DLC1: variants seen among roughly 807,000 people sequenced by gnomAD.
DLC1 encodes the protein DLC1 Rho GTPase activating protein, also known as rho GTPase-activating protein 7.
In DLC1, 54 loss-of-function variants were observed where a neutral mutation model predicts 140.3. That is an observed-to-expected ratio of 0.38 (90% CI 0.31 to 0.48). The LOEUF (loss-of-function observed/expected upper bound fraction) is 0.48, where lower values mean the gene tolerates loss of function less well. Ranked by LOEUF, DLC1 falls within the 20% of genes least tolerant of loss-of-function variation. The probability of loss-of-function intolerance (pLI) is 0.96; values close to 1 mark genes in which losing one functional copy is unlikely to be tolerated. For synonymous variants in DLC1, 986 were observed against 728.1 expected, an observed-to-expected ratio of 1.35 and a Z score of -5.70; for missense variants, 2,536 against 1,907.0, an observed-to-expected ratio of 1.33 and a Z score of -6.14.
In DLC1 at chr8:13,110,723, T is replaced by C; in HGVS notation, c.1502+19A>G. 6.2e-7 allele frequency: 1 copy of C among 1,608,880 alleles called. No individual in the cohort carries two copies. Among genetic ancestry groups the C allele is most frequent in the South Asian group, 1.1e-5 (1 of 90,444 alleles). On this transcript the variant is annotated intron_variant, in intron 7 of 17. Coordinates refer to ENST00000276297, the MANE Select transcript of DLC1 (RefSeq NM_182643.3). The stretch of plus-strand genomic sequence containing the variant: ...CTTAAAAAATAAAAAAGGAAAACAC[T>C]CAAAACGTGTCCATTTACCTGCATA...
Position 13,453,422 on chromosome 8 carries a change from ATGTGTATATATATATG to A in DLC1, c.1023+45611_1023+45626del, listed in dbSNP as rs1799186969. ...TATATGTGTATATATATATATATATATGTGTATATATATATGTATATATATACATATATATATGTAT... is the reference window on the plus strand; with the variant it reads ...TATATGTGTATATATATATATATATATATATATATACATATATATATGTAT... On this transcript the variant is annotated intron_variant, in intron 2 of 17. Coordinates refer to ENST00000276297, the MANE Select transcript of DLC1 (RefSeq NM_182643.3). 1.2e-4 allele frequency among the ~76,000 whole-genome samples: 4 copies of A among 32,572 alleles called. 2 individuals carry two copies. Among genetic ancestry groups the A allele is most frequent in the African/African-American group, 6.4e-4 (4 of 6,240 alleles). 21.4% of individuals were successfully genotyped at this position (32,572 alleles called of 152,430 possible).
At chr8:13,448,211 G>A (rs2046195) in intron 2 of DLC1, among the ~76,000 whole-genome samples, 5,604 of 152,120 alleles carry the variant, frequency 0.037, 366 homozygotes, top group African/African-American at 0.13. Context: ...GTCCCTGTGC[G>A]TATCTGCTTA....
chr8:13,250,147 A>G (rs2117280324), intron 5 of DLC1, among the ~76,000 whole-genome samples: 1 of 152,346 alleles, frequency 6.6e-6, no homozygotes, highest in East Asian at 1.9e-4. Context: ...ATCAATACGT[A>G]CTTGTTAAAT....
chr8:13,375,141 C>T (rs1835914518), intron 4 of DLC1, among the ~76,000 whole-genome samples: 1 of 151,586 alleles, frequency 6.6e-6, no homozygotes, highest in Admixed American at 6.6e-5. Context: ...CATTCTCCTG[C>T]CTTAGCCTCC....
chr8:13,099,184 C>G (rs78030701), intron 9 of DLC1, among the ~76,000 whole-genome samples, 163 bp downstream of exon 9: 2 of 152,124 alleles, frequency 1.3e-5, no homozygotes, highest in East Asian at 1.9e-4. Flanking sequence ...TCAATCCTAT[C>G]GATTTCTTTG....
intron 14 of DLC1, 122 bp from the exon 15 acceptor site, chr8:13,090,592 C>G (rs768778342): frequency 1.7e-5 from 19 of 1,140,414 alleles, no homozygotes; most frequent in Non-Finnish European, 2.3e-5. Flanking sequence ...AGGCATCTTC[C>G]CGCCGGAGGT....
chr8:13,273,049 C>A (rs1242260501), intron 5 of DLC1, among the ~76,000 whole-genome samples: 1 of 152,002 alleles, frequency 6.6e-6, no homozygotes, highest in Non-Finnish European at 1.5e-5. Context: ...CTCTATAATT[C>A]TATATATTTT....
chr8:13,567,235 A>C, intron 1 of DLC1: 3 of 1,551,656 alleles, frequency 1.9e-6, no homozygotes, highest in Non-Finnish European at 2.6e-6. Flanking sequence ...TTATGAAAAG[A>C]AGTTGAGTAA....
chr8:13,389,863 T>C (rs1011026710), intron 4 of DLC1, among the ~76,000 whole-genome samples: 2 of 152,176 alleles, frequency 1.3e-5, no homozygotes, highest in African/African-American at 4.8e-5. Flanking sequence ...GTAATGATTG[T>C]GTCATTACAG....
At chr8:13,543,969 C>T (rs1162663812) in intron 1 of DLC1, among the ~76,000 whole-genome samples, 4 of 151,426 alleles carry the variant, frequency 2.6e-5, no homozygotes, top group African/African-American at 9.7e-5. Flanking sequence ...CAACCAACAA[C>T]CAGTTGTACC....
At chr8:13,408,650 C>G (rs1837665707) in intron 2 of DLC1, among the ~76,000 whole-genome samples, 1 of 152,108 alleles carries the variant, frequency 6.6e-6, no homozygotes, top group Non-Finnish European at 1.5e-5. Flanking sequence ...ATGCTGGAAC[C>G]AGTCTTCATT....
chr8:13,194,478 G>C (rs753283574), intron 5 of DLC1, among the ~76,000 whole-genome samples: 4 of 152,138 alleles, frequency 2.6e-5, no homozygotes, highest in Non-Finnish European at 4.4e-5. Context: ...AGTAAAAGAA[G>C]GCCCTGGTGA....
intron 5 of DLC1, among the ~76,000 whole-genome samples, chr8:13,278,514 A>G (rs1002956604): frequency 1.3e-5 from 2 of 152,216 alleles, no homozygotes; most frequent in African/African-American, 4.8e-5. Flanking sequence ...ATCGACCAAA[A>G]GTGATTCCAA....
At chr8:13,460,512 G>A (rs1231810807) in intron 2 of DLC1, among the ~76,000 whole-genome samples, 1 of 152,188 alleles carries the variant, frequency 6.6e-6, no homozygotes, top group Admixed American at 6.5e-5. Flanking sequence ...ATATCTCCTA[G>A]GGTAGGATCA....
intron 2 of DLC1, among the ~76,000 whole-genome samples, chr8:13,494,849 G>A (rs1474366508): frequency 2.0e-5 from 3 of 152,086 alleles, no homozygotes; most frequent in African/African-American, 7.2e-5. Context: ...TACTAAGGAG[G>A]CTGAGGCAGG....
intron 2 of DLC1, among the ~76,000 whole-genome samples, chr8:13,470,687 A>G (rs1482255630): frequency 6.6e-6 from 1 of 152,222 alleles, no homozygotes. Context: ...GGAAAAAAGT[A>G]TAGCCATATA....
intron 5 of DLC1, among the ~76,000 whole-genome samples, chr8:13,137,388 A>G (rs117536771): frequency 1.7e-4 from 26 of 152,276 alleles, no homozygotes; most frequent in Admixed American, 2.6e-4. Flanking sequence ...TACCTGTTCA[A>G]TGTAGCCTGT....
intron 1 of DLC1, chr8:13,557,927 C>T (rs1804106154): frequency 6.6e-6 from 1 of 152,072 alleles, no homozygotes; most frequent in African/African-American, 2.4e-5. Flanking sequence ...TGATCTTTGT[C>T]TAAAGAACAA....
chr8:13,490,611 T>C (rs745859834), intron 2 of DLC1, among the ~76,000 whole-genome samples: 45 of 152,172 alleles, frequency 3.0e-4, no homozygotes, highest in Non-Finnish European at 5.3e-4. Flanking sequence ...CCAAAACCTA[T>C]GGTTGTTTGT....
Sources: allele counts gnomAD v4.1 joint callset (sites outside exome capture counted in the v4.1 genomes callset), GRCh38; gene constraint gnomAD v4.1.1; transcripts MANE v1.5; gene names NCBI Gene and HGNC (gene_info 2026-07-23, HGNC 2026-07-21).